Variants in TGFBRAP1 observed in about 807,000 individuals in gnomAD.
TGFBRAP1 encodes the protein transforming growth factor beta receptor associated protein 1, also known as transforming growth factor-beta receptor-associated protein 1.
TGFBRAP1 carries 20 observed loss-of-function variants against 83.2 expected under a neutral mutation model. The observed-to-expected ratio is 0.24, with a 90% CI of 0.17 to 0.35. The LOEUF (loss-of-function observed/expected upper bound fraction) is 0.35. Among genes scored for constraint, TGFBRAP1 ranks in the 10% least tolerant of loss-of-function variants. The probability of loss-of-function intolerance (pLI) is 1.00; values close to 1 mark genes in which losing one functional copy is unlikely to be tolerated. For missense variants in TGFBRAP1, 950 were observed against 1,099.4 expected (o/e 0.86, Z 1.92); for synonymous variants, 415 against 459.8 (o/e 0.90, Z 1.25).
At chr2:105,313,951 A>G (rs1434707530) in intron 1 of TGFBRAP1, among the ~76,000 whole-genome samples, 6 of 152,160 alleles carry the variant, frequency 3.9e-5, no homozygotes, top group Admixed American at 3.3e-4. Context: ...CTCTCCCCCA[A>G]TCATGCTGAA....
chr2:105,290,768 G>A (rs1677882959), intron 4 of TGFBRAP1, among the ~76,000 whole-genome samples: 1 of 152,066 alleles, frequency 6.6e-6, no homozygotes, highest in East Asian at 1.9e-4. Flanking sequence ...ACTTTGGGAG[G>A]CCAGGATCGG....
Position 105,298,719 on chromosome 2 carries a change from G to A in TGFBRAP1, c.689-14C>T, listed in dbSNP as rs747673184. On this transcript the variant is annotated splice_polypyrimidine_tract_variant and intron_variant, in intron 2 of 11. Transcript: ENST00000393359. Reference sequence around the variant, plus strand: ...TGGCAAACATGCCTAGAAGTAAGAAGAAAGAGTTAGGTAGGCTTCCAAATA... The same window carrying A: ...TGGCAAACATGCCTAGAAGTAAGAAAAAAGAGTTAGGTAGGCTTCCAAATA... 1.2e-5 allele frequency: 19 copies of A among 1,556,266 alleles called. No homozygotes were observed. In the South Asian group the frequency reaches 2.3e-4, roughly 18 times the overall value.
At chr2:105,299,433 G>A (rs1678207658) in intron 2 of TGFBRAP1, among the ~76,000 whole-genome samples, 1 of 152,118 alleles carries the variant, frequency 6.6e-6, no homozygotes, top group South Asian at 2.1e-4. Flanking sequence ...TTCTGCTCAA[G>A]TAACATGCTC....
intron 4 of TGFBRAP1, 71 bp from the exon 5 acceptor site, chr2:105,284,469 C>G: frequency 1.4e-6 from 2 of 1,403,690 alleles, no homozygotes; most frequent in Non-Finnish European, 1.0e-6. Flanking sequence ...ATTTGTCTAA[C>G]CCTAGATAAG....
intron 8 of TGFBRAP1, among the ~76,000 whole-genome samples, chr2:105,275,258 C>T (rs1353672629): frequency 6.6e-6 from 1 of 152,190 alleles, no homozygotes; most frequent in Non-Finnish European, 1.5e-5. Flanking sequence ...GGTTCACAGA[C>T]ACAAGTTCTT....
At position 105,269,827 on chromosome 2, in the gene TGFBRAP1, C is replaced by T; in HGVS notation, c.1973-122G>A. On this transcript the variant is annotated intron_variant, in intron 10 of 11. Coordinates refer to ENST00000393359, the MANE Select transcript of TGFBRAP1 (RefSeq NM_004257.6). This position sits in a 1 kb window ranked among gnomAD's most constrained non-coding sequence, Gnocchi z 4.1. ...AGTCAACCTGGCTCCCTCACAATGC[C>T]AAATGCTGCCACCCAGATGACTGAG... 9.5e-7 allele frequency: 1 copy of T among 1,052,676 alleles called. No homozygotes were observed. The highest frequency in any genetic ancestry group is 1.9e-5 in the South Asian group (1 of 53,402). The allele number at this position is 1,052,676 out of a possible 1,614,324, so 65.2% of individuals were successfully genotyped here.
chr2:105,312,137 T>C (rs1292252849), intron 1 of TGFBRAP1, among the ~76,000 whole-genome samples: 2 of 152,124 alleles, frequency 1.3e-5, no homozygotes. Context: ...ATTCATACTT[T>C]ACTGTGTGAT....
chr2:105,258,730 TACACACACACACACACACACAC>T, the TGFBRAP1 span, among the ~76,000 whole-genome samples: 269 of 140,614 alleles, frequency 1.9e-3, 2 homozygotes, highest in African/African-American at 6.9e-3. Context: ...TCCCCACCCC[TACACACACACACACACACACAC>T]ACACACACAC....
Position 105,308,021 on chromosome 2 carries a change from A to G in TGFBRAP1, c.281T>C (p.Leu94Pro), listed in dbSNP as rs1308321712. 1 of 1,614,004 alleles carries G rather than the reference A, an allele frequency of 6.2e-7. No homozygotes were observed. The highest frequency in any genetic ancestry group is 8.5e-7 in the Non-Finnish European group (1 of 1,179,948). The stretch of plus-strand genomic sequence containing the variant: ...GACCAGGCTGATGGAGTTGTCACAC[A>G]GCACCAGCAGCCTGTTGAGTGCTGA... ...AASALNRLLV[L>P]CDNSISLVNM... Residue 94 changes from leucine (L) to proline (P), a missense_variant, in exon 2 of 12, where the codon CTG becomes CCG. By Grantham distance (98) the Leu-to-Pro change is moderately conservative (BLOSUM62 -3). Coordinates refer to ENST00000393359, the MANE Select transcript of TGFBRAP1 (RefSeq NM_004257.6).
In TGFBRAP1 at chr2:105,269,173, A is replaced by G. The variant is rs1364521820; in HGVS notation, c.2406+99T>C. The G allele has an allele frequency of 2.1e-6, 3 of 1,402,626 alleles. No individual in the cohort carries two copies. In the African/African-American group the frequency reaches 4.3e-5, roughly 20 times the overall value. 86.9% of individuals were successfully genotyped at this position (1,402,626 alleles called of 1,614,324 possible). ...GATGTGTTGTAGTCATAGAGACAGA[A>G]AAAAGAAAAACCAACAAAGACTATT... On this transcript the variant is annotated intron_variant, in intron 11 of 11. Transcript: ENST00000393359. This position sits in a 1 kb window ranked among gnomAD's most constrained non-coding sequence, Gnocchi z 4.1.
chr2:105,264,702 G>A lies in TGFBRAP1; in HGVS notation c.*2681C>T, dbSNP rs1573531008. The A allele has an allele frequency of 6.6e-6, 1 of 152,372 alleles. No individual in the cohort carries two copies. Among genetic ancestry groups the A allele is most frequent in the African/African-American group, 2.4e-5 (1 of 41,594 alleles). 9.4% of individuals were successfully genotyped at this position (152,372 alleles called of 1,614,324 possible). On this transcript the variant is annotated 3_prime_UTR_variant, in exon 12 of 12. Coordinates refer to ENST00000393359, the MANE Select transcript of TGFBRAP1 (RefSeq NM_004257.6). ...ACGCGTCAGTGAGAGCGTCGCAGTT[G>A]AACTCAGCCCAGTGCAACGCAGCCT...
chr2:105,316,835 T>C (rs1008759152), intron 1 of TGFBRAP1, among the ~76,000 whole-genome samples: 1 of 150,362 alleles, frequency 6.7e-6, no homozygotes, highest in Non-Finnish European at 1.5e-5. Context: ...AAAATTCACA[T>C]GGCAGAAAGG....
At chr2:105,258,152 T>G in the TGFBRAP1 span, among the ~76,000 whole-genome samples, 6 of 152,202 alleles carry the variant, frequency 3.9e-5, no homozygotes, top group African/African-American at 1.4e-4. Context: ...AGTAAGTCAC[T>G]GCTGCTGAGG....
intron 4 of TGFBRAP1, among the ~76,000 whole-genome samples, chr2:105,289,639 T>C (rs1019134918): frequency 5.3e-5 from 8 of 152,242 alleles, no homozygotes; most frequent in Admixed American, 2.0e-4. Context: ...GCCTCGAAAC[T>C]CTTCCTGGCT....
chr2:105,300,467 C>G (rs1022672887), intron 2 of TGFBRAP1, among the ~76,000 whole-genome samples: 2 of 137,188 alleles, frequency 1.5e-5, no homozygotes, highest in African/African-American at 5.4e-5. Context: ...GAGACAGTCT[C>G]GCTCTGTTGC....
downstream of TGFBRAP1, among the ~76,000 whole-genome samples, chr2:105,261,201 T>C (rs1676779516): frequency 1.3e-5 from 2 of 152,140 alleles, no homozygotes; most frequent in African/African-American, 4.8e-5. Context: ...CCCAGTTCTA[T>C]CATGCACATT....
intron 6 of TGFBRAP1, among the ~76,000 whole-genome samples, chr2:105,279,007 T>C (rs755399086): frequency 6.6e-6 from 1 of 151,956 alleles, no homozygotes; most frequent in Non-Finnish European, 1.5e-5. Flanking sequence ...CTGTGGGAGT[T>C]CATCCACGCT....
At chr2:105,308,845 T>C (rs1450738168) in intron 1 of TGFBRAP1, among the ~76,000 whole-genome samples, 1 of 152,058 alleles carries the variant, frequency 6.6e-6, no homozygotes, top group Non-Finnish European at 1.5e-5. Context: ...GCTACTTGAA[T>C]ATGCACTTTA....
intron 8 of TGFBRAP1, among the ~76,000 whole-genome samples, chr2:105,275,034 C>A (rs895164760): frequency 6.6e-6 from 1 of 152,340 alleles, no homozygotes; most frequent in Middle Eastern, 3.4e-3. Flanking sequence ...GCCAGCATTT[C>A]TCAGCCTCCA....
Sources: gnomAD v4.1 joint callset for allele counts (sites outside exome capture counted in the v4.1 genomes callset) on GRCh38, gnomAD v4.1.1 for gene constraint, Gnocchi (gnomAD v3.1) non-coding constraint, MANE v1.5 for transcripts, NCBI Gene and HGNC (gene_info 2026-07-23, HGNC 2026-07-21) for gene names.